Variants in ERCC6 observed in about 807,000 individuals in gnomAD.
ERCC6 encodes DNA excision repair protein ERCC-6.
A neutral mutation model predicts 158.7 loss-of-function variants in ERCC6; 116 were observed. That is an observed-to-expected ratio of 0.73 (90% CI 0.63 to 0.85). ERCC6 has a LOEUF of 0.85. Ranked by LOEUF, ERCC6 falls within the 40% of genes least tolerant of loss-of-function variation. ERCC6 has a pLI of 0.00. For missense variants in ERCC6, 1,698 were observed against 1,799.4 expected, an observed-to-expected ratio of 0.94 and a Z score of 1.02; for synonymous variants, 678 against 659.3, an observed-to-expected ratio of 1.03 and a Z score of -0.43.
intron 5 of ERCC6, chr10:49,506,407 A>C: frequency 1.4e-5 from 1 of 73,492 alleles, no homozygotes; most frequent in Non-Finnish European, 2.8e-5. Flanking sequence ...ATGTAACAAA[A>C]AATAGATTTA....
chr10:49,448,498 CAGT>C, the ERCC6 span, among the ~76,000 whole-genome samples: 1 of 152,154 alleles, frequency 6.6e-6, no homozygotes, highest in Non-Finnish European at 1.5e-5. Context: ...TAGTACAATT[CAGT>C]AGCTTTTAGT....
At chr10:49,467,100 T>C (rs773790972) in intron 18 of ERCC6, among the ~76,000 whole-genome samples, 19 of 152,220 alleles carry the variant, frequency 1.2e-4, no homozygotes, top group Non-Finnish European at 2.5e-4. Context: ...TTTGATCATA[T>C]GGATATGCCA....
At chr10:49,459,653 T>C (rs988241548) in intron 20 of ERCC6, among the ~76,000 whole-genome samples, 2 of 152,200 alleles carry the variant, frequency 1.3e-5, no homozygotes, top group Admixed American at 1.3e-4. Flanking sequence ...ATATCATAGC[T>C]ATACTTCCTT....
chr10:49,534,550 G>T (rs1208152349), intron 1 of ERCC6, among the ~76,000 whole-genome samples: 1 of 152,164 alleles, frequency 6.6e-6, no homozygotes, highest in Non-Finnish European at 1.5e-5. Context: ...CACACAGAAT[G>T]ATCTGGCAGG....
chr10:49,458,580 GC>G lies in ERCC6; in HGVS notation c.*234del. ...ACCTGATTTACAATATAATTAGATT[GC>G]CAAAAAAAAAAAAATCAATCCAAGT... On this transcript the variant is annotated 3_prime_UTR_variant, in exon 21 of 21. Coordinates refer to ENST00000355832, the MANE Select transcript of ERCC6 (RefSeq NM_000124.4). 3.9e-6 allele frequency: 2 copies of G among 514,556 alleles called. No homozygotes were observed. The allele number at this position is 514,556 out of a possible 1,614,324, so 31.9% of individuals were successfully genotyped here.
rs755054032 is a variant in ERCC6, at chr10:49,524,102, C to T, written c.1328G>A (p.Gly443Glu). The change falls in exon 5 of 21, where the codon GGA becomes GAA. Residue 443 changes from glycine to glutamate, a missense_variant. Transcript: ENST00000355832. ...TCTTCCCACTTTCCGACCTCCTCCT[C>T]CTCCTTCTCCTACAGAAGCAGCTTC... ...EAEAASVGEG[G>E]GGGRKVGRYR... is the part of the protein sequence containing the mutation. The T allele has an allele frequency of 3.7e-6, 6 of 1,614,036 alleles. No individual in the cohort carries two copies. The Admixed American group carries it at 8.3e-5, about 22-fold the overall frequency.
chr10:49,500,487 T>G, intron 7 of ERCC6, 51 bp downstream of exon 7: 268 of 1,575,488 alleles, frequency 1.7e-4, no homozygotes, highest in Non-Finnish European at 2.2e-4. Flanking sequence ...ATACATCTGA[T>G]GAAATATTAA....
Position 49,516,982 on chromosome 10 carries a change from C to G in ERCC6, c.1397+7051G>C, listed in dbSNP as rs375200016. The G allele has an allele frequency of 1.5e-5, 25 of 1,613,932 alleles. No homozygotes were observed. The highest frequency in any genetic ancestry group is 2.1e-5 in the Non-Finnish European group (25 of 1,179,940). ...AGATTATTTATTGTTCCACCTTCTT[C>G]ATCTCCTGATTCCTCATCAGAAACA... On this transcript the variant is annotated intron_variant, in intron 5 of 20. Transcript: ENST00000355832.
chr10:49,434,957 G>C, the ERCC6 span, among the ~76,000 whole-genome samples: 1 of 152,182 alleles, frequency 6.6e-6, no homozygotes, highest in African/African-American at 2.4e-5. Context: ...AAAATTATCT[G>C]TATACTGATG....
At chr10:49,494,312 C>A (rs1324476962) in intron 7 of ERCC6, among the ~76,000 whole-genome samples, 1 of 152,040 alleles carries the variant, frequency 6.6e-6, no homozygotes, top group Admixed American at 6.5e-5. Flanking sequence ...CTGTAAAGTG[C>A]TTAGAACAGG....
At chr10:49,468,223 T>C (rs1340614559) in intron 18 of ERCC6, among the ~76,000 whole-genome samples, 1 of 152,234 alleles carries the variant, frequency 6.6e-6, no homozygotes, top group East Asian at 1.9e-4. Flanking sequence ...TCTGCAGACC[T>C]GTGGGGTTCT....
Position 49,532,606 on chromosome 10 carries a change from G to A in ERCC6, c.359C>T (p.Ala120Val), listed in dbSNP as rs1837495289. 6.2e-7 allele frequency: 1 copy of A among 1,614,182 alleles called. No individual in the cohort carries two copies. The highest frequency in any genetic ancestry group is 8.5e-7 in the Non-Finnish European group (1 of 1,180,036). The change falls in exon 2 of 21, where the codon GCC (alanine) becomes GTC (valine). Residue 120 changes from alanine (A) to valine (V), a missense_variant. By Grantham distance (64) the Ala-to-Val change is moderately conservative. Coordinates refer to ENST00000355832, the MANE Select transcript of ERCC6 (RefSeq NM_000124.4). ...LQQVDNAIHE[A>V]SRASQLVDVE... ...GTCAACGAGCTGGGAGGCACGGCTG[G>A]CCTCATGGATGGCATTGTCCACCTG...
intron 18 of ERCC6, among the ~76,000 whole-genome samples, chr10:49,464,532 TGAG>T (rs1454663488): frequency 6.6e-6 from 1 of 152,088 alleles, no homozygotes; most frequent in Non-Finnish European, 1.5e-5. Flanking sequence ...CCCAAGACAA[TGAG>T]GAAAATGTCT....
chr10:49,529,328 G>A (rs1371853687), intron 3 of ERCC6, among the ~76,000 whole-genome samples: 3 of 152,194 alleles, frequency 2.0e-5, no homozygotes, highest in African/African-American at 7.2e-5. Context: ...TCTGTCTAAA[G>A]CACTTTCCCT....
At chr10:49,479,748 A>C (rs1850944058) in intron 10 of ERCC6, among the ~76,000 whole-genome samples, 1 of 152,158 alleles carries the variant, frequency 6.6e-6, no homozygotes, top group African/African-American at 2.4e-5. Context: ...TGGTCAACTA[A>C]ACCAGGGCTA....
At position 49,458,867 on chromosome 10, in the gene ERCC6, T is replaced by C. The variant is rs114403790; in HGVS notation, c.4430A>G (p.His1477Arg). ...AATTCCTTCACCACCAGAAGTTCTA[T>C]GGAAAGTGCACAGATTTCTCAATAG... Reference protein sequence around the residue: ...RELLRNLCTFHRTSGGEGIWK... With the variant: ...RELLRNLCTFRRTSGGEGIWK... Residue 1477 changes from histidine (H) to arginine (R), a missense_variant, in exon 21 of 21, where the codon CAT becomes CGT. Physicochemically the swap from His to Arg is conservative, Grantham distance 29. Coordinates refer to ENST00000355832, the MANE Select transcript of ERCC6 (RefSeq NM_000124.4). The C allele has an allele frequency of 3.9e-5, 63 of 1,614,232 alleles. No homozygotes were observed. In the East Asian group the frequency reaches 1.1e-3, roughly 29 times the overall value.
chr10:49,444,957 T>C, the ERCC6 span, among the ~76,000 whole-genome samples: 1 of 152,158 alleles, frequency 6.6e-6, no homozygotes, highest in African/African-American at 2.4e-5. Flanking sequence ...AAATATATCA[T>C]GACCAAATAG....
At chr10:49,508,246 C>T (rs1321688910) in intron 5 of ERCC6, among the ~76,000 whole-genome samples, 1 of 152,172 alleles carries the variant, frequency 6.6e-6, no homozygotes, top group Non-Finnish European at 1.5e-5. Context: ...TGAAGTTTGG[C>T]ACAAGGCCAT....
chr10:49,465,530 G>C (rs1850659605), intron 18 of ERCC6, among the ~76,000 whole-genome samples: 1 of 152,132 alleles, frequency 6.6e-6, no homozygotes, highest in Non-Finnish European at 1.5e-5. Context: ...GGGGCCAGAG[G>C]TGGAAAGATA....
Sources: gnomAD v4.1 joint callset for allele counts (sites outside exome capture counted in the v4.1 genomes callset) on GRCh38, gnomAD v4.1.1 for gene constraint, MANE v1.5 for transcripts, NCBI Gene and HGNC (gene_info 2026-07-23, HGNC 2026-07-21) for gene names.